RECQL5: variants seen among roughly 807,000 people sequenced by gnomAD.
RECQL5 encodes ATP-dependent DNA helicase Q5.
RECQL5 carries 88 observed loss-of-function variants against 103.4 expected under a neutral mutation model. That is an observed-to-expected ratio of 0.85 (90% confidence interval 0.72 to 1.02). The LOEUF (loss-of-function observed/expected upper bound fraction) is 1.02, where lower values mean the gene tolerates loss of function less well. RECQL5 is among the 50% of genes least tolerant of loss of function. RECQL5 has a pLI of 0.00. For synonymous variants in RECQL5, 552 were observed against 507.9 expected (o/e 1.09, Z -1.17); for missense variants, 1,232 against 1,284.3 (o/e 0.96, Z 0.62).
chr17:75,663,634 T>A (rs1460724213), intron 3 of RECQL5, among the ~76,000 whole-genome samples: 2 of 152,188 alleles, frequency 1.3e-5, no homozygotes, highest in African/African-American at 4.8e-5. Flanking sequence ...GACTTCAGAT[T>A]TAGATTTCAT....
intron 8 of RECQL5, among the ~76,000 whole-genome samples, chr17:75,631,906 C>T (rs567062182): frequency 1.3e-5 from 2 of 152,354 alleles, no homozygotes; most frequent in Non-Finnish European, 2.9e-5. Context: ...GGGGGTCTCC[C>T]GGGAAGCAGG....
At chr17:75,647,439 C>T in intron 8 of RECQL5, 3 of 1,550,132 alleles carry the variant, frequency 1.9e-6, no homozygotes, top group South Asian at 1.2e-5. Flanking sequence ...ACCCCTGGGA[C>T]CAGGGGGGCC....
Position 75,632,265 on chromosome 17 carries a change from C to T in RECQL5, c.1230-597G>A, listed in dbSNP as rs575429683. On this transcript the variant is annotated intron_variant, in intron 8 of 19. Transcript: ENST00000317905. ...AATACCACTGTGTTACAACTGCATA[C>T]GGTACTCAGGACAGTAACGTGATGT... 5.8e-4 allele frequency among the ~76,000 whole-genome samples: 88 copies of T among 152,290 alleles called. 1 individual carries two copies. The highest frequency in any genetic ancestry group is 2.1e-3 in the African/African-American group (88 of 41,556).
At position 75,654,753 on chromosome 17, in the gene RECQL5, A is replaced by C. The variant is rs537430205; in HGVS notation, c.1150-3488T>G. Among the ~76,000 whole-genome samples, 7 of 152,024 alleles carry C rather than the reference A, an allele frequency of 4.6e-5. No homozygotes were observed. In the South Asian group the frequency reaches 8.3e-4, roughly 18 times the overall value. On this transcript the variant is annotated intron_variant, in intron 7 of 19. Coordinates refer to ENST00000317905, the MANE Select transcript of RECQL5 (RefSeq NM_004259.7). ...TCCCAGCTCAGCATCCTGAGTAGCTAGAACTACAGGCGCACATCACCATGC... is the reference window on the plus strand; with the variant it reads ...TCCCAGCTCAGCATCCTGAGTAGCTCGAACTACAGGCGCACATCACCATGC...
intron 8 of RECQL5, chr17:75,647,542 T>A (rs1384077330): frequency 5.8e-6 from 9 of 1,550,130 alleles, no homozygotes; most frequent in Non-Finnish European, 6.1e-6. Flanking sequence ...AAACACTCAG[T>A]GTGAAGCGGG....
intron 6 of RECQL5, 44 bp from the exon 7 acceptor site, chr17:75,658,504 C>G (rs768746332): frequency 4.4e-6 from 7 of 1,591,368 alleles, no homozygotes; most frequent in Admixed American, 3.4e-5. Flanking sequence ...GGTGGAGAAG[C>G]TGAGTGTCCT....
rs2059165568 is a variant in RECQL5, at chr17:75,629,481, A to C, written c.1948-6T>G. The C allele has an allele frequency of 2.7e-6, 4 of 1,501,672 alleles. No individual in the cohort carries two copies. Among genetic ancestry groups the C allele is most frequent in the Non-Finnish European group, 3.6e-6 (4 of 1,125,906 alleles). 93.0% of individuals were successfully genotyped at this position (1,501,672 alleles called of 1,614,324 possible). ...CCCACCCGCTTGGGTTTGAGCTGTA[A>C]ATGTGAGCAGGAGGAGAGGAGGTTC... On this transcript the variant is annotated splice_polypyrimidine_tract_variant and splice_region_variant and intron_variant, in intron 15 of 19. Transcript: ENST00000317905.
rs1382809070 is a variant in RECQL5 at position 75,665,144 on chromosome 17, G to T, written c.159C>A (p.Pro53=). ...AGCATAGGGATTTTCCTGCCCCTGT[G>T]GGCATGCACACAAAGACGTCCTTGT... The part of the protein sequence containing the change: ...KGNKDVFVCM[P]TGAGKSLCYQ... The change falls in exon 3 of 20, where the codon CCC becomes CCA. Residue 53 remains proline (P), a synonymous_variant. Coordinates refer to ENST00000317905, the MANE Select transcript of RECQL5 (RefSeq NM_004259.7). 2 of 1,610,972 alleles carry T rather than the reference G, an allele frequency of 1.2e-6. No individual in the cohort carries two copies. Among genetic ancestry groups the T allele is most frequent in the African/African-American group, 2.7e-5 (2 of 74,696 alleles).
intron 8 of RECQL5, chr17:75,635,701 C>A (rs1225385084): frequency 1.3e-6 from 1 of 791,554 alleles, no homozygotes. Flanking sequence ...AGGTGGACCT[C>A]AAACGAGATA....
At chr17:75,651,051 G>A (rs570777052) in intron 8 of RECQL5, 135 bp downstream of exon 8, 9 of 1,572,490 alleles carry the variant, frequency 5.7e-6, no homozygotes, top group South Asian at 2.4e-5. Flanking sequence ...CACACTGCCC[G>A]ACACAACAGC....
rs781303706 is a variant in RECQL5, at chr17:75,640,170, CG to C, written c.1230-8503del. 10 of 1,527,162 alleles carry C rather than the reference CG, an allele frequency of 6.5e-6. No homozygotes were observed. Among genetic ancestry groups the C allele is most frequent in the East Asian group, 4.9e-5 (2 of 40,744 alleles). 94.6% of individuals were successfully genotyped at this position (1,527,162 alleles called of 1,614,324 possible). ...GTGTTCTCTCTGCCCCAGCAGAGCC[CG>C]GCAGGAGCCCCAACAGGAAGCCAGC... On this transcript the variant is annotated intron_variant, in intron 8 of 19. Transcript: ENST00000317905. This position sits in a 1 kb window ranked among gnomAD's most constrained non-coding sequence, Gnocchi z 4.6.
At chr17:75,629,923 G>T in intron 14 of RECQL5, 81 bp from the exon 15 acceptor site, 1 of 1,505,128 alleles carries the variant, frequency 6.6e-7, no homozygotes, top group Non-Finnish European at 8.9e-7. Context: ...TTTCTACTAG[G>T]CACTACAAGT....
intron 10 of RECQL5, 50 bp from the exon 11 acceptor site, chr17:75,631,060 C>A: frequency 6.2e-7 from 1 of 1,612,186 alleles, no homozygotes; most frequent in African/African-American, 1.3e-5. Context: ...TGCCGCAGGA[C>A]AGTCCCATCC....
rs536387435 is a variant in RECQL5 at position 75,636,432 on chromosome 17, G to A, written c.1230-4764C>T. ...TCCTGGGCTTCCCTGCCTTCCTCCT[G>A]CCAAACCTAGGAAGGGAAAGGGGAG... On this transcript the variant is annotated intron_variant, in intron 8 of 19. Coordinates refer to ENST00000317905, the MANE Select transcript of RECQL5 (RefSeq NM_004259.7). The surrounding 1 kb of genome is among the most constrained non-coding windows in gnomAD (Gnocchi z 5.4). Among the ~76,000 whole-genome samples the A allele has an allele frequency of 2.0e-4, 31 of 152,144 alleles. No individual in the cohort carries two copies. The highest frequency in any genetic ancestry group is 3.7e-4 in the Non-Finnish European group (25 of 68,004).
In RECQL5 at chr17:75,631,580, C is replaced by T. The variant is rs760749078; in HGVS notation, c.1318G>A (p.Val440Met). 9.3e-6 allele frequency: 15 copies of T among 1,613,026 alleles called. No homozygotes were observed. In the South Asian group the frequency reaches 9.9e-5, roughly 11 times the overall value. The change falls in exon 9 of 20, where the codon GTG (valine) becomes ATG (methionine). Residue 440 changes from valine to methionine, a missense_variant. Coordinates refer to ENST00000317905, the MANE Select transcript of RECQL5 (RefSeq NM_004259.7). ...TCCAAGGCCTCCAGCCGCCTCCGCA[C>T]GGCCGTGGGGTTCTGGCAGTGGTCG... ...GCDHCQNPTA[V>M]RRRLEALERS...
chr17:75,664,968 C>A (rs2059748617), intron 3 of RECQL5, 83 bp downstream of exon 3: 2 of 1,442,088 alleles, frequency 1.4e-6, no homozygotes, highest in South Asian at 3.0e-5. Context: ...AGGCAAAAGA[C>A]CAATAGAGAA....
chr17:75,661,553 A>G (rs374127565), intron 5 of RECQL5, 53 bp downstream of exon 5: 6 of 1,238,950 alleles, frequency 4.8e-6, no homozygotes, highest in Non-Finnish European at 2.4e-6. Flanking sequence ...ACAAGAGACC[A>G]GCTAAGAAGC....
In RECQL5 at chr17:75,630,235, T is replaced by C. The variant is rs747260831; in HGVS notation, c.1761A>G (p.Thr587=). 6 of 1,561,700 alleles carry C rather than the reference T, an allele frequency of 3.8e-6. No individual in the cohort carries two copies. Among genetic ancestry groups the C allele is most frequent in the South Asian group, 1.2e-5 (1 of 84,690 alleles). The change falls in exon 14 of 20, where the codon ACA becomes ACG. Residue 587 remains threonine, a synonymous_variant. Coordinates refer to ENST00000317905, the MANE Select transcript of RECQL5 (RefSeq NM_004259.7). The part of the protein sequence containing the change: ...RAKAVELEHE[T]FRNAKVANLY... Reference sequence around the variant, plus strand: ...GGTTGGCCACCTTGGCGTTCCGGAATGTCTCATGTTCCAGCTCCACGGCCT... The same window carrying C: ...GGTTGGCCACCTTGGCGTTCCGGAACGTCTCATGTTCCAGCTCCACGGCCT...
At position 75,627,542 on chromosome 17, in the gene RECQL5, G is replaced by A. The variant is rs1454913528; in HGVS notation, c.2876-20C>T. 2 of 1,612,376 alleles carry A rather than the reference G, an allele frequency of 1.2e-6. No individual in the cohort carries two copies. The highest frequency in any genetic ancestry group is 4.5e-5 in the East Asian group (2 of 44,852). ...CTTTCACTACAGATTCAGGGTGGGGGCATGAGGAGGTGAGCGTTAGCCTCC... is the reference window on the plus strand; with the variant it reads ...CTTTCACTACAGATTCAGGGTGGGGACATGAGGAGGTGAGCGTTAGCCTCC... On this transcript the variant is annotated intron_variant, in intron 19 of 19. Transcript: ENST00000317905.
Sources: allele counts gnomAD v4.1 joint callset (sites outside exome capture counted in the v4.1 genomes callset), GRCh38; gene constraint gnomAD v4.1.1; non-coding constraint Gnocchi (gnomAD v3.1); transcripts MANE v1.5; gene names NCBI Gene and HGNC (gene_info 2026-07-23, HGNC 2026-07-21).